Variants in NLRP1 observed in about 807,000 individuals in gnomAD.
NLRP1 encodes the protein NACHT, LRR and PYD domains-containing protein 1.
NLRP1 carries 94 observed loss-of-function variants against 136.7 expected under a neutral mutation model. That is an observed-to-expected ratio of 0.69 (90% CI 0.58 to 0.82). NLRP1 has a LOEUF of 0.82. Among genes scored for constraint, NLRP1 ranks in the 40% least tolerant of loss-of-function variants. NLRP1 has a pLI of 0.00. For synonymous variants in NLRP1, 690 were observed against 725.1 expected (o/e 0.95, Z 0.78); for missense variants, 1,575 against 1,802.7 (o/e 0.87, Z 2.29).
rs12150220 is a variant in NLRP1 at position 5,582,047 on chromosome 17, A to T, written c.464T>A (p.Leu155His). 0.41 allele frequency: 653,580 copies of T among 1,610,836 alleles called. 142,729 individuals are homozygous for T. The highest frequency in any genetic ancestry group is 0.45 in the Non-Finnish European group (529,939 of 1,177,932). Reference protein sequence around the residue: ...GRRWREISASLLYQALPSSPD... With the variant: ...GRRWREISASHLYQALPSSPD... ...GGAGCTTGGAAGAGCTTGGTAGAGG[A>T]GTGAGGCAGAGATTTCTGGGGGGAA... The change falls in exon 3 of 17, where the codon CTC becomes CAC. Residue 155 changes from leucine (L) to histidine (H), a missense_variant. Transcript: ENST00000572272.
chr17:5,533,686 G>T (rs917073914), intron 9 of NLRP1, among the ~76,000 whole-genome samples: 1 of 151,822 alleles, frequency 6.6e-6, no homozygotes, highest in Non-Finnish European at 1.5e-5. Context: ...TTCTGGAGAG[G>T]GGAAGCACCA....
At chr17:5,511,766 TC>T (rs1368407260), downstream of NLRP1, among the ~76,000 whole-genome samples, 5 of 144,274 alleles carry the variant, frequency 3.5e-5, no homozygotes, top group East Asian at 1.0e-3. Context: ...TTTTTCTTTC[TC>T]TTTCTCTTTC....
In NLRP1 at chr17:5,521,727, G is replaced by A; in HGVS notation, c.3580C>T (p.Leu1194=). 1 of 1,613,240 alleles carries A rather than the reference G, an allele frequency of 6.2e-7. No homozygotes were observed. The highest frequency in any genetic ancestry group is 8.5e-7 in the Non-Finnish European group (1 of 1,179,992). ...MAHFKEEGML[L]EKPARVELHH... is the part of the protein sequence containing the mutation. ...AGCTCCACCCTGGCTGGCTTCTCCAGGAGCATCCCCTCCTCTTTAAAGTGG... is the reference window on the plus strand; with the variant it reads ...AGCTCCACCCTGGCTGGCTTCTCCAAGAGCATCCCCTCCTCTTTAAAGTGG... The change falls in exon 13 of 17, where the codon CTG becomes TTG. Residue 1194 remains leucine, a synonymous_variant. Transcript: ENST00000572272.
intron 3 of NLRP1, among the ~76,000 whole-genome samples, chr17:5,579,951 G>C (rs1251866370): frequency 1.3e-5 from 2 of 152,056 alleles, no homozygotes; most frequent in Admixed American, 1.3e-4. Flanking sequence ...AAAAACTACC[G>C]GGCCGGGCGC....
chr17:5,517,915 C>T (rs201563922), intron 14 of NLRP1, 28 bp from the exon 15 acceptor site: 9 of 1,612,350 alleles, frequency 5.6e-6, no homozygotes, highest in Non-Finnish European at 7.6e-6. Flanking sequence ...TGAGTTGCCA[C>T]CCTGTTCATC....
At chr17:5,508,255 G>A (rs1463116907) in intron 15 of NLRP1, among the ~76,000 whole-genome samples, 2 of 152,170 alleles carry the variant, frequency 1.3e-5, no homozygotes. Flanking sequence ...CTGAGATTGC[G>A]CCACTGCACT....
intron 11 of NLRP1, 95 bp downstream of exon 11, chr17:5,532,727 G>T: frequency 9.0e-7 from 1 of 1,108,278 alleles, no homozygotes; most frequent in Non-Finnish European, 1.3e-6. Context: ...AGTGTGAGTT[G>T]GGGGTAGGGG....
rs199566098 is a variant in NLRP1, at chr17:5,581,992, T to G, written c.519A>C (p.Ser173=). 1.2e-6 allele frequency: 2 copies of G among 1,613,542 alleles called. No homozygotes were observed. Among genetic ancestry groups the G allele is most frequent in the Non-Finnish European group, 1.7e-6 (2 of 1,179,860 alleles). The change falls in exon 3 of 17, where the codon TCA becomes TCC. Residue 173 remains serine, a synonymous_variant. Transcript: ENST00000572272. ...CTGCTGTGGATGTGGGGGCGTTGGGTGACTCCTGGCTTGGAGACTCATGGT... is the reference window on the plus strand; with the variant it reads ...CTGCTGTGGATGTGGGGGCGTTGGGGGACTCCTGGCTTGGAGACTCATGGT... ...SPDHESPSQE[S]PNAPTSTAVL...
chr17:5,560,109 C>T, intron 3 of NLRP1, 66 bp from the exon 4 acceptor site: 1 of 1,400,510 alleles, frequency 7.1e-7, no homozygotes, highest in South Asian at 1.5e-5. Context: ...ATTAATTAAA[C>T]AACTGTTTTA....
At chr17:5,531,178 ATCT>A (rs1910216235) in intron 11 of NLRP1, among the ~76,000 whole-genome samples, 1 of 56,572 alleles carries the variant, frequency 1.8e-5, no homozygotes, top group African/African-American at 7.4e-5. Flanking sequence ...TATCTAATCT[ATCT>A]ATCTATCTAT....
rs375135349 is a variant in NLRP1, at chr17:5,558,570, A to T, written c.2126T>A (p.Leu709Gln). 2 of 1,613,940 alleles carry T rather than the reference A, an allele frequency of 1.2e-6. No individual in the cohort carries two copies. The highest frequency in any genetic ancestry group is 1.3e-5 in the African/African-American group (1 of 75,026). The change falls in exon 4 of 17, where the codon CTG becomes CAG. Residue 709 changes from leucine to glutamine, a missense_variant. Physicochemically the swap from Leu to Gln is moderately radical, Grantham distance 113. Coordinates refer to ENST00000572272, the MANE Select transcript of NLRP1 (RefSeq NM_033004.4). ...CTCCAGAGAGTGTGGCTGCAGCAGC[A>T]GCTGCAGGGACGGGACCCACTGCAT... ...NLMQWVPSLQ[L>Q]LLQPHSLESL...
chr17:5,541,988 G>T lies in NLRP1; in HGVS notation c.2568C>A (p.Asp856Glu). 7 of 1,614,030 alleles carry T rather than the reference G, an allele frequency of 4.3e-6. No individual in the cohort carries two copies. Among genetic ancestry groups the T allele is most frequent in the Non-Finnish European group, 5.9e-6 (7 of 1,179,976 alleles). The change falls in exon 6 of 17, where the codon GAC becomes GAA. Residue 856 changes from aspartate to glutamate, a missense_variant. Asp to Glu is a conservative substitution (Grantham distance 45). Transcript: ENST00000572272. This position sits in a 1 kb window ranked among gnomAD's most constrained non-coding sequence, Gnocchi z 4.2. ...GCGLTAEDCKDLAFGLRANQT... is the reference protein window; with the variant it reads ...GCGLTAEDCKELAFGLRANQT... ...GGTTGGCTCTCAGCCCAAAGGCAAGGTCCTTGCAGTCCTCAGCTGTGAGGC... is the reference window on the plus strand; with the variant it reads ...GGTTGGCTCTCAGCCCAAAGGCAAGTTCCTTGCAGTCCTCAGCTGTGAGGC...
intron 11 of NLRP1, among the ~76,000 whole-genome samples, chr17:5,531,575 A>T (rs1361629896): frequency 1.3e-5 from 2 of 152,154 alleles, no homozygotes; most frequent in Non-Finnish European, 2.9e-5. Context: ...TTTTATAGAG[A>T]TCAGAAGTGA....
Position 5,532,973 on chromosome 17 carries a change from G to C in NLRP1, c.3145C>G (p.Pro1049Ala). 1.9e-6 allele frequency: 3 copies of C among 1,612,194 alleles called. No individual in the cohort carries two copies. Among genetic ancestry groups the C allele is most frequent in the Non-Finnish European group, 2.5e-6 (3 of 1,179,276 alleles). ...AAGAGTTCCACCGGTACTACCTCTG[G>C]GGAGCTTTCCTCTGAAACAGCAAGG... is the stretch of plus-strand genomic sequence containing the variant. ...PIAEIAEESS[P>A]EVVPVELLCV... The change falls in exon 11 of 17, where the codon CCA (proline) becomes GCA (alanine). Residue 1049 changes from proline to alanine, a missense_variant. Physicochemically the swap from Pro to Ala is conservative, Grantham distance 27 (BLOSUM62 -1). Transcript: ENST00000572272.
chr17:5,562,587 A>G (rs921867578), intron 3 of NLRP1, among the ~76,000 whole-genome samples: 1 of 152,232 alleles, frequency 6.6e-6, no homozygotes, highest in Non-Finnish European at 1.5e-5. Context: ...ACTACTGCCA[A>G]CTGTACTGAA....
At chr17:5,579,599 G>A (rs538530000) in intron 3 of NLRP1, among the ~76,000 whole-genome samples, 3 of 152,270 alleles carry the variant, frequency 2.0e-5, no homozygotes, top group Admixed American at 6.5e-5. Context: ...ATACCCAAAG[G>A]AATGTAGAGC....
At position 5,553,404 on chromosome 17, in the gene NLRP1, C is replaced by G. The variant is rs200457047; in HGVS notation, c.2510G>C (p.Cys837Ser). The G allele has an allele frequency of 6.2e-7, 1 of 1,613,140 alleles. No homozygotes were observed. Among genetic ancestry groups the G allele is most frequent in the Admixed American group, 1.7e-5 (1 of 59,962 alleles). ...SLCKTLRRPR[C>S]LLETLRLAGC... Reference sequence around the variant, plus strand: ...GACTCACCGCAGGGTCTCCAGGAGGCAGCGAGGGCGTCTCAGGGTCTTACA... The same window carrying G: ...GACTCACCGCAGGGTCTCCAGGAGGGAGCGAGGGCGTCTCAGGGTCTTACA... Residue 837 changes from cysteine (C) to serine (S), a missense_variant, in exon 5 of 17, where the codon TGC becomes TCC. By Grantham distance (112) the Cys-to-Ser change is moderately radical. Transcript: ENST00000572272.
intron 3 of NLRP1, among the ~76,000 whole-genome samples, chr17:5,581,107 CCTTTTAA>C (rs1905591718): frequency 6.6e-6 from 1 of 152,156 alleles, no homozygotes; most frequent in Admixed American, 6.5e-5. Flanking sequence ...CAGAAGAAAT[CCTTTTAA>C]CTTAAAACCT....
chr17:5,511,788 C>G (rs1907653017), downstream of NLRP1, among the ~76,000 whole-genome samples: 3 of 144,770 alleles, frequency 2.1e-5, no homozygotes. Flanking sequence ...TTCTTTCTTT[C>G]TCTTTCCTTT....
Sources: gnomAD v4.1 joint callset for allele counts (sites outside exome capture counted in the v4.1 genomes callset) on GRCh38, gnomAD v4.1.1 for gene constraint, Gnocchi (gnomAD v3.1) non-coding constraint, MANE v1.5 for transcripts, NCBI Gene and HGNC (gene_info 2026-07-23, HGNC 2026-07-21) for gene names.